The following ANKRD11 variants were observed in gnomAD, a reference collection of about 807,000 sequenced individuals.
The protein encoded by ANKRD11 is ankyrin repeat domain-containing protein 11.
In ANKRD11, 17 loss-of-function variants were observed where a neutral mutation model predicts 195.7. The ratio of observed to expected loss-of-function variants is 0.09; its 90% confidence interval spans 0.06 to 0.13. ANKRD11 has a LOEUF of 0.13. Among genes scored for constraint, ANKRD11 ranks in the 10% least tolerant of loss-of-function variants. ANKRD11 has a pLI of 1.00. For synonymous variants in ANKRD11, 1,953 were observed against 1,528.1 expected, an observed-to-expected ratio of 1.28 and a Z score of -6.49; for missense variants, 3,735 against 3,566.1, an observed-to-expected ratio of 1.05 and a Z score of -1.21.
intron 1 of ANKRD11, among the ~76,000 whole-genome samples, chr16:89,488,450 C>CG (rs971968610): frequency 5.3e-5 from 8 of 151,524 alleles, no homozygotes; most frequent in African/African-American, 1.9e-4. Context: ...GCCCCCCCCC[C>CG]TTTTTTTCTA....
rs182970919 is a variant in ANKRD11, at chr16:89,367,725, C to G, written c.-60+50559G>C. ...TTGCAGATTGGTGAGTACAGCTCCA[C>G]GCATCCCATCCTGACTACCCCCAGC... On this transcript the variant is annotated intron_variant, in intron 2 of 12. Transcript: ENST00000301030. 4.6e-5 allele frequency among the ~76,000 whole-genome samples: 7 copies of G among 152,340 alleles called. No individual in the cohort carries two copies. In the East Asian group the frequency reaches 1.4e-3, roughly 29 times the overall value.
chr16:89,268,772 T>TACC, intron 12 of ANKRD11, 109 bp from the exon 13 acceptor site: 1 of 1,299,328 alleles, frequency 7.7e-7, no homozygotes. Flanking sequence ...GCCGTGAACC[T>TACC]ACCCTGGTAT....
At chr16:89,308,795 C>G (rs1044288665) in intron 3 of ANKRD11, among the ~76,000 whole-genome samples, 2 of 152,200 alleles carry the variant, frequency 1.3e-5, no homozygotes, top group Non-Finnish European at 2.9e-5. Context: ...AGGGGGTGCG[C>G]GCCGTGAGAA....
chr16:89,316,274 C>T (rs1306387567), intron 3 of ANKRD11, among the ~76,000 whole-genome samples: 4 of 152,190 alleles, frequency 2.6e-5, no homozygotes, highest in Admixed American at 2.0e-4. Flanking sequence ...AAAGCCTGAA[C>T]TTGAACCTGG....
chr16:89,473,242 A>T (rs564844306), intron 1 of ANKRD11, among the ~76,000 whole-genome samples: 1 of 152,200 alleles, frequency 6.6e-6, no homozygotes, highest in Admixed American at 6.5e-5. Flanking sequence ...TCAGTCAGGG[A>T]AAGGAGAGAA....
chr16:89,385,943 A>C (rs1486076864), intron 2 of ANKRD11, among the ~76,000 whole-genome samples: 1 of 152,250 alleles, frequency 6.6e-6, no homozygotes, highest in Non-Finnish European at 1.5e-5. Flanking sequence ...TGCCAAACTT[A>C]GCACACAGCG....
At chr16:89,303,517 G>C (rs1476394972) in intron 4 of ANKRD11, among the ~76,000 whole-genome samples, 1 of 152,208 alleles carries the variant, frequency 6.6e-6, no homozygotes, top group East Asian at 1.9e-4. Context: ...GCTGTCCGCT[G>C]CTGGGAAGAG....
intron 2 of ANKRD11, among the ~76,000 whole-genome samples, chr16:89,368,371 GTTTTTTTTTTTTTTTTTTT>G (rs71134210): frequency 1.4e-3 from 81 of 56,598 alleles, no homozygotes; most frequent in African/African-American, 3.8e-3. Context: ...TAATTTTTGT[GTTTTTTTTTTTTTTTTTTT>G]TTTTTTTTTT....
intron 2 of ANKRD11, among the ~76,000 whole-genome samples, chr16:89,415,578 T>C (rs1467732358): frequency 6.6e-6 from 1 of 151,622 alleles, no homozygotes; most frequent in Non-Finnish European, 1.5e-5. Context: ...ATTCTTTTTT[T>C]AAACCCTGCA....
intron 2 of ANKRD11, among the ~76,000 whole-genome samples, chr16:89,340,174 G>A (rs189725165): frequency 7.9e-4 from 121 of 152,346 alleles, no homozygotes; most frequent in African/African-American, 2.8e-3. Context: ...GCAAGAAACT[G>A]TAAAATGCTT....
chr16:89,281,404 G>C lies in ANKRD11; in HGVS notation c.5138C>G (p.Pro1713Arg). 1.9e-6 allele frequency: 3 copies of C among 1,609,968 alleles called. No individual in the cohort carries two copies. The highest frequency in any genetic ancestry group is 2.5e-6 in the Non-Finnish European group (3 of 1,176,896). The change falls in exon 9 of 13, where the codon CCC becomes CGC. Residue 1713 changes from proline (P) to arginine (R), a missense_variant. Pro to Arg is a moderately radical substitution (Grantham distance 103). Coordinates refer to ENST00000301030, the MANE Select transcript of ANKRD11 (RefSeq NM_013275.6). This position sits in a 1 kb window ranked among gnomAD's most constrained non-coding sequence, Gnocchi z 5.5. Reference sequence around the variant, plus strand: ...CGTGTGCATCACCTCCTCGTAGCTGGGGCAGGATAGCACCGACGTAGGGGT... The same window carrying C: ...CGTGTGCATCACCTCCTCGTAGCTGCGGCAGGATAGCACCGACGTAGGGGT... ...VPTPTSVLSC[P>R]SYEEVMHTPR...
intron 2 of ANKRD11, among the ~76,000 whole-genome samples, chr16:89,341,882 C>T (rs569864058): frequency 1.3e-4 from 19 of 145,932 alleles, no homozygotes; most frequent in African/African-American, 4.8e-4. Context: ...CGGCCCACGG[C>T]AGGAGTGCTG....
At chr16:89,300,834 A>G in intron 4 of ANKRD11, 2 of 701,926 alleles carry the variant, frequency 2.8e-6, no homozygotes, top group South Asian at 3.0e-5. Context: ...AAGCAAAATA[A>G]GAAAATCATA....
chr16:89,443,065 T>C (rs1368130816), intron 1 of ANKRD11, among the ~76,000 whole-genome samples: 2 of 152,228 alleles, frequency 1.3e-5, no homozygotes, highest in Admixed American at 6.5e-5. Context: ...CAATCTTGGC[T>C]CACTGCGACC....
chr16:89,317,338 A>G (rs745542722), intron 2 of ANKRD11, among the ~76,000 whole-genome samples: 8 of 152,232 alleles, frequency 5.3e-5, no homozygotes, highest in Non-Finnish European at 1.2e-4. Flanking sequence ...AAAGGGACGC[A>G]TGGCCTAGGG....
chr16:89,424,407 C>T (rs1239286306), intron 1 of ANKRD11, among the ~76,000 whole-genome samples: 1 of 151,008 alleles, frequency 6.6e-6, no homozygotes, highest in Non-Finnish European at 1.5e-5. Flanking sequence ...CACCTCTGCA[C>T]TCCAGGCTGG....
chr16:89,467,827 G>GTC (rs1474612907), intron 1 of ANKRD11, among the ~76,000 whole-genome samples: 12 of 152,032 alleles, frequency 7.9e-5, no homozygotes, highest in African/African-American at 2.9e-4. Context: ...TTGAGACAAT[G>GTC]TCTCGCTCTG....
At chr16:89,354,184 C>T (rs952014531) in intron 2 of ANKRD11, among the ~76,000 whole-genome samples, 1 of 150,188 alleles carries the variant, frequency 6.7e-6, no homozygotes, top group African/African-American at 2.5e-5. Context: ...CCATTCAAAT[C>T]TTCCAAGGCA....
chr16:89,376,152 T>C (rs2040414393), intron 2 of ANKRD11, among the ~76,000 whole-genome samples: 2 of 152,080 alleles, frequency 1.3e-5, no homozygotes, highest in African/African-American at 4.8e-5. Context: ...CACGGATATA[T>C]GAAAATGTGT....
Sources: gnomAD v4.1 joint callset for allele counts (sites outside exome capture counted in the v4.1 genomes callset) on GRCh38, gnomAD v4.1.1 for gene constraint, Gnocchi (gnomAD v3.1) non-coding constraint, MANE v1.5 for transcripts, NCBI Gene and HGNC (gene_info 2026-07-23, HGNC 2026-07-21) for gene names.